EFCAB6: variants seen among roughly 807,000 people sequenced by gnomAD.
The protein encoded by EFCAB6 is EF-hand calcium-binding domain-containing protein 6.
EFCAB6 carries 156 observed loss-of-function variants against 169.8 expected under a neutral mutation model. The ratio of observed to expected loss-of-function variants is 0.92; its 90% CI spans 0.81 to 1.05. The LOEUF (loss-of-function observed/expected upper bound fraction) is 1.05, where lower values mean the gene tolerates loss of function less well. Ranked by LOEUF, EFCAB6 falls within the 50% of genes least tolerant of loss-of-function variation. The pLI, the probability that EFCAB6 is intolerant of heterozygous loss-of-function variation, is 0.00. For missense variants in EFCAB6, 1,800 were observed against 1,829.1 expected, an observed-to-expected ratio of 0.98 and a Z score of 0.29; for synonymous variants, 698 against 676.4, an observed-to-expected ratio of 1.03 and a Z score of -0.50.
At chr22:43,620,940 C>T (rs983707959) in intron 20 of EFCAB6, among the ~76,000 whole-genome samples, 1 of 152,100 alleles carries the variant, frequency 6.6e-6, no homozygotes, top group Non-Finnish European at 1.5e-5. Context: ...TTCAAGTATA[C>T]ACAGAATATT....
intron 22 of EFCAB6, among the ~76,000 whole-genome samples, chr22:43,601,044 T>C (rs1180397541): frequency 6.6e-6 from 1 of 152,236 alleles, no homozygotes; most frequent in Non-Finnish European, 1.5e-5. Flanking sequence ...TCAAAAAGCA[T>C]ATTCAATCTT....
chr22:43,578,666 G>T (rs1017881234), intron 25 of EFCAB6, among the ~76,000 whole-genome samples: 1 of 151,992 alleles, frequency 6.6e-6, no homozygotes, highest in African/African-American at 2.4e-5. Context: ...TACCCTACAC[G>T]CGGTCATCAT....
At chr22:43,609,830 A>G (rs535317682) in intron 21 of EFCAB6, among the ~76,000 whole-genome samples, 9 of 152,328 alleles carry the variant, frequency 5.9e-5, no homozygotes, top group South Asian at 4.1e-4. Flanking sequence ...GACAACAAAG[A>G]TGTGATGTAG....
chr22:43,694,651 A>AC (rs2058511510), intron 10 of EFCAB6, among the ~76,000 whole-genome samples: 1 of 152,092 alleles, frequency 6.6e-6, no homozygotes, highest in South Asian at 2.1e-4. Context: ...GGTTGGCTTA[A>AC]CATTTGAAAA....
In EFCAB6 at chr22:43,540,368, A is replaced by G; in HGVS notation, c.3649-11T>C. On this transcript the variant is annotated splice_polypyrimidine_tract_variant and intron_variant, in intron 27 of 31. Coordinates refer to ENST00000262726, the MANE Select transcript of EFCAB6 (RefSeq NM_022785.4). ...CCAGAGTCTGTCAAACTGGAGAAGG[A>G]GCAGAAGTCATTTCCCAGGTGTCAG... 3.7e-6 allele frequency: 6 copies of G among 1,613,842 alleles called. No individual in the cohort carries two copies. The highest frequency in any genetic ancestry group is 5.1e-6 in the Non-Finnish European group (6 of 1,180,034).
chr22:43,578,901 T>C (rs2050461702), intron 25 of EFCAB6, among the ~76,000 whole-genome samples: 1 of 150,648 alleles, frequency 6.6e-6, no homozygotes, highest in Non-Finnish European at 1.5e-5. Context: ...CATCATTCCA[T>C]ACGTATAGGC....
chr22:43,718,119 C>T (rs2059399250), intron 8 of EFCAB6, among the ~76,000 whole-genome samples: 1 of 151,710 alleles, frequency 6.6e-6, no homozygotes, highest in South Asian at 2.1e-4. Flanking sequence ...TGAGAGGATA[C>T]TACACGAAAA....
chr22:43,790,667 C>G (rs1028346269), intron 2 of EFCAB6, among the ~76,000 whole-genome samples: 2 of 152,174 alleles, frequency 1.3e-5, no homozygotes, highest in African/African-American at 4.8e-5. Context: ...CATGTGAAAC[C>G]TCTAGGGGGT....
chr22:43,730,347 C>T (rs981800824), intron 8 of EFCAB6, among the ~76,000 whole-genome samples: 3 of 146,632 alleles, frequency 2.0e-5, no homozygotes, highest in African/African-American at 7.6e-5. Context: ...AACAAATCAT[C>T]CATAAGAGAA....
intron 10 of EFCAB6, among the ~76,000 whole-genome samples, chr22:43,704,327 G>T (rs2058875648): frequency 1.3e-5 from 2 of 152,076 alleles, no homozygotes; most frequent in Admixed American, 1.3e-4. Flanking sequence ...AAAGCTAAGA[G>T]AATTCATCAC....
chr22:43,745,608 C>A (rs1023283493), intron 6 of EFCAB6, among the ~76,000 whole-genome samples: 1 of 152,176 alleles, frequency 6.6e-6, no homozygotes, highest in African/African-American at 2.4e-5. Flanking sequence ...CGGAAGAGTT[C>A]AACACCCACG....
intron 26 of EFCAB6, among the ~76,000 whole-genome samples, chr22:43,561,514 T>A (rs1000345582): frequency 6.6e-6 from 1 of 151,964 alleles, no homozygotes; most frequent in Non-Finnish European, 1.5e-5. Flanking sequence ...CCAGGCCCCA[T>A]GGATGCTGCC....
intron 23 of EFCAB6, among the ~76,000 whole-genome samples, chr22:43,595,686 C>A (rs1445456820): frequency 6.6e-6 from 1 of 152,060 alleles, no homozygotes; most frequent in Non-Finnish European, 1.5e-5. Context: ...GAACTAATAC[C>A]AACTCTACCC....
At chr22:43,552,576 T>C (rs1375064200) in intron 27 of EFCAB6, 2 of 152,224 alleles carry the variant, frequency 1.3e-5, no homozygotes, top group East Asian at 1.9e-4. Flanking sequence ...TGAGCTTTTT[T>C]TCATATGTTT....
chr22:43,648,197 CCATTTTA>C (rs2148032685), intron 17 of EFCAB6, among the ~76,000 whole-genome samples: 1 of 152,198 alleles, frequency 6.6e-6, no homozygotes, highest in East Asian at 1.9e-4. Context: ...ACTATTATCT[CCATTTTA>C]GGAAAAAGGA....
chr22:43,762,700 G>A (rs2061205806), intron 5 of EFCAB6, among the ~76,000 whole-genome samples: 1 of 152,110 alleles, frequency 6.6e-6, no homozygotes, highest in Admixed American at 6.6e-5. Context: ...AGCCTTTTAT[G>A]TTTAAGAGAG....
At chr22:43,766,350 A>AAT (rs978767313) in intron 4 of EFCAB6, among the ~76,000 whole-genome samples, 5 of 151,634 alleles carry the variant, frequency 3.3e-5, no homozygotes, top group African/African-American at 7.3e-5. Flanking sequence ...AGTGTTTTTA[A>AAT]ATATATATAT....
intron 12 of EFCAB6, among the ~76,000 whole-genome samples, chr22:43,682,377 C>A (rs967811177): frequency 2.0e-5 from 3 of 152,170 alleles, no homozygotes; most frequent in African/African-American, 7.2e-5. Context: ...AGTTGAATAG[C>A]ACAACAATGA....
intron 11 of EFCAB6, among the ~76,000 whole-genome samples, chr22:43,685,250 A>C (rs1216975509): frequency 6.6e-6 from 1 of 152,128 alleles, no homozygotes; most frequent in Non-Finnish European, 1.5e-5. Flanking sequence ...GACTGGATGA[A>C]GGCACACCTA....
Sources: allele counts gnomAD v4.1 joint callset (sites outside exome capture counted in the v4.1 genomes callset), GRCh38; gene constraint gnomAD v4.1.1; transcripts MANE v1.5; gene names NCBI Gene and HGNC (gene_info 2026-07-23, HGNC 2026-07-21).